ABLIM2: variants seen among roughly 807,000 people sequenced by gnomAD.
The protein encoded by ABLIM2 is actin-binding LIM protein 2.
ABLIM2 carries 53 observed loss-of-function variants against 97.7 expected under a neutral mutation model. The ratio of observed to expected loss-of-function variants is 0.54; its 90% CI spans 0.44 to 0.68. The LOEUF (loss-of-function observed/expected upper bound fraction) is 0.68, where lower values mean the gene tolerates loss of function less well. Among genes scored for constraint, ABLIM2 ranks in the 30% least tolerant of loss-of-function variants. The probability of loss-of-function intolerance (pLI) is 0.00; values close to 1 mark genes in which losing one functional copy is unlikely to be tolerated. For missense variants in ABLIM2, 835 were observed against 867.2 expected (o/e 0.96, Z 0.47); for synonymous variants, 361 against 345.8 (o/e 1.04, Z -0.49).
intron 20 of ABLIM2, among the ~76,000 whole-genome samples, chr4:7,978,337 C>T (rs1355350862): frequency 6.6e-6 from 1 of 152,160 alleles, no homozygotes; most frequent in Non-Finnish European, 1.5e-5. Context: ...TGGGTGTGTT[C>T]TTGGAAATCT....
At position 8,063,708 on chromosome 4, in the gene ABLIM2, C is replaced by T. The variant is rs76716983; in HGVS notation, c.676-2654G>A. 6.9e-3 allele frequency among the ~76,000 whole-genome samples: 1,057 copies of T among 152,372 alleles called. 12 individuals are homozygous for T. Among genetic ancestry groups the T allele is most frequent in the African/African-American group, 0.024 (998 of 41,596 alleles). ...ATCTCAGGTCTGGGGTGTGCACCCCCTGCTCACATGCTCACTGCTAAGGCT... is the reference window on the plus strand; with the variant it reads ...ATCTCAGGTCTGGGGTGTGCACCCCTTGCTCACATGCTCACTGCTAAGGCT... On this transcript the variant is annotated intron_variant, in intron 6 of 20. Coordinates refer to ENST00000447017, the MANE Select transcript of ABLIM2 (RefSeq NM_001130083.2).
intron 3 of ABLIM2, among the ~76,000 whole-genome samples, chr4:8,093,170 T>C (rs992451517): frequency 6.6e-6 from 1 of 152,184 alleles, no homozygotes; most frequent in African/African-American, 2.4e-5. Context: ...TTTTTAACAG[T>C]ATTTTGGGTC....
At chr4:8,009,156 T>C in intron 14 of ABLIM2, 54 bp from the exon 15 acceptor site, 3 of 1,602,462 alleles carry the variant, frequency 1.9e-6, no homozygotes, top group Non-Finnish European at 2.6e-6. Flanking sequence ...TGTGGGTTTC[T>C]GCCTCATGGT....
intron 4 of ABLIM2, among the ~76,000 whole-genome samples, chr4:8,084,428 G>A (rs769641023): frequency 4.6e-5 from 7 of 152,190 alleles, no homozygotes; most frequent in Non-Finnish European, 8.8e-5. Flanking sequence ...AGCCAGCAAG[G>A]GGGCGGGGGC....
At chr4:8,010,530 T>C in intron 14 of ABLIM2, 1 of 985,822 alleles carries the variant, frequency 1.0e-6, no homozygotes, top group Non-Finnish European at 1.2e-6. Context: ...GCTTGGAAAT[T>C]TGGGATTGGG....
At position 8,095,334 on chromosome 4, in the gene ABLIM2, C is replaced by G. The variant is rs1479303612; in HGVS notation, c.338+1765G>C. ...ACGCAGGCTGATCTTGAACTCCCAG[C>G]CTCAAGTGATCCTCGCACCTCGGCC... On this transcript the variant is annotated intron_variant, in intron 3 of 20. Coordinates refer to ENST00000447017, the MANE Select transcript of ABLIM2 (RefSeq NM_001130083.2). This position sits in a 1 kb window ranked among gnomAD's most constrained non-coding sequence, Gnocchi z 4.7. Among the ~76,000 whole-genome samples, 2 of 152,118 alleles carry G rather than the reference C, an allele frequency of 1.3e-5. No individual in the cohort carries two copies. Among genetic ancestry groups the G allele is most frequent in the Non-Finnish European group, 2.9e-5 (2 of 68,028 alleles).
chr4:7,978,254 T>C (rs1179354989), intron 20 of ABLIM2, among the ~76,000 whole-genome samples: 4 of 152,180 alleles, frequency 2.6e-5, no homozygotes, highest in African/African-American at 9.7e-5. Flanking sequence ...GCATTCCCCA[T>C]ATGTAGTAAC....
At chr4:8,109,545 C>T (rs1207886401) in intron 1 of ABLIM2, among the ~76,000 whole-genome samples, 2 of 152,204 alleles carry the variant, frequency 1.3e-5, no homozygotes, top group South Asian at 4.1e-4. Context: ...CAGAACCCCA[C>T]ATCCCGGAAG....
intron 6 of ABLIM2, among the ~76,000 whole-genome samples, chr4:8,063,298 C>T (rs1350759043): frequency 6.6e-6 from 1 of 152,202 alleles, no homozygotes; most frequent in Admixed American, 6.5e-5. Flanking sequence ...ATCTCTTGAC[C>T]TTGTGATCTG....
At position 8,088,206 on chromosome 4, in the gene ABLIM2, C is replaced by T. The variant is rs753668322; in HGVS notation, c.417G>A (p.Ser139=). ...CMCQKCSLPV[S]VGSSAHLSQG... ...GGGACAGGTGCGCGCTGCTGCCCAC[C>T]GATACGGGCAGGGAACACTTCTGGC... is the stretch of plus-strand genomic sequence containing the variant. Residue 139 remains serine, a synonymous_variant, in exon 4 of 21, where the codon TCG becomes TCA. Coordinates refer to ENST00000447017, the MANE Select transcript of ABLIM2 (RefSeq NM_001130083.2). 45 of 1,612,654 alleles carry T rather than the reference C, an allele frequency of 2.8e-5. 1 individual carries two copies. Among genetic ancestry groups the T allele is most frequent in the East Asian group, 8.9e-5 (4 of 44,790 alleles).
chr4:8,037,986 C>T (rs1785656173), intron 9 of ABLIM2, among the ~76,000 whole-genome samples: 1 of 152,232 alleles, frequency 6.6e-6, no homozygotes, highest in Admixed American at 6.5e-5. Flanking sequence ...CTGCCTGTCC[C>T]CTTCTCCCTG....
rs544002990 is a variant in ABLIM2 at position 7,971,960 on chromosome 4, G to A, written c.1825-4857C>T. Among the ~76,000 whole-genome samples, 177 of 152,258 alleles carry A rather than the reference G, an allele frequency of 1.2e-3. 2 individuals carry two copies. The highest frequency in any genetic ancestry group is 6.8e-3 in the Middle Eastern group (2 of 294). On this transcript the variant is annotated intron_variant, in intron 20 of 20. Transcript: ENST00000447017. ...ACTTTTCTCCCAAGGCCTGGGCTCC[G>A]TGGTGCATTCCACCGGCTCACACTG... is the stretch of plus-strand genomic sequence containing the variant.
intron 9 of ABLIM2, among the ~76,000 whole-genome samples, chr4:8,042,823 G>C (rs1306960993): frequency 8.2e-6 from 1 of 121,518 alleles, no homozygotes; most frequent in African/African-American, 3.3e-5. Flanking sequence ...TGGGCAACAA[G>C]AGCGAAACTC....
chr4:8,069,981 T>C lies in ABLIM2; in HGVS notation c.675+7647A>G, dbSNP rs1049581722. On this transcript the variant is annotated intron_variant, in intron 6 of 20. Coordinates refer to ENST00000447017, the MANE Select transcript of ABLIM2 (RefSeq NM_001130083.2). The surrounding 1 kb of genome is among the most constrained non-coding windows in gnomAD (Gnocchi z 4.2). Reference sequence around the variant, plus strand: ...TGCCTAAGCGTGCTGTCTGCACGTCTTGTATGTGTATGTGATCTGTGTGTC... The same window carrying C: ...TGCCTAAGCGTGCTGTCTGCACGTCCTGTATGTGTATGTGATCTGTGTGTC... 1.3e-5 allele frequency among the ~76,000 whole-genome samples: 2 copies of C among 152,168 alleles called. No individual in the cohort carries two copies. The highest frequency in any genetic ancestry group is 2.9e-5 in the Non-Finnish European group (2 of 68,030).
intron 14 of ABLIM2, chr4:8,010,669 G>GC: frequency 2.4e-6 from 2 of 850,718 alleles, no homozygotes; most frequent in Non-Finnish European, 2.8e-6. Flanking sequence ...GATTTTCAGC[G>GC]TGAAAATACA....
chr4:8,003,387 T>C lies in ABLIM2; in HGVS notation c.1618+4672A>G, dbSNP rs549033366. Among the ~76,000 whole-genome samples, 2 of 152,154 alleles carry C rather than the reference T, an allele frequency of 1.3e-5. No individual in the cohort carries two copies. The highest frequency in any genetic ancestry group is 6.5e-5 in the Admixed American group (1 of 15,280). Reference sequence around the variant, plus strand: ...CTGAGAGTGAGAAACAGAATGGGTGTGTGGATACTGGAGGGTGTGTGGGTA... The same window carrying C: ...CTGAGAGTGAGAAACAGAATGGGTGCGTGGATACTGGAGGGTGTGTGGGTA... On this transcript the variant is annotated intron_variant, in intron 16 of 20. Transcript: ENST00000447017. This position sits in a 1 kb window ranked among gnomAD's most constrained non-coding sequence, Gnocchi z 4.2.
At chr4:7,982,005 C>T (rs772366666) in intron 20 of ABLIM2, among the ~76,000 whole-genome samples, 9 of 152,170 alleles carry the variant, frequency 5.9e-5, no homozygotes, top group Non-Finnish European at 8.8e-5. Context: ...GAGGAGCAGC[C>T]TGGTGCCTTC....
chr4:8,007,752 C>T (rs949093318), intron 16 of ABLIM2: 18 of 1,131,326 alleles, frequency 1.6e-5, no homozygotes, highest in South Asian at 3.3e-5. Flanking sequence ...GCAGCCCGGA[C>T]GCCTTTCTCC....
rs1762692091 is a variant in ABLIM2 at position 8,008,315 on chromosome 4, T to C, written c.1477-115A>G. On this transcript the variant is annotated intron_variant, in intron 15 of 20. Coordinates refer to ENST00000447017, the MANE Select transcript of ABLIM2 (RefSeq NM_001130083.2). The stretch of plus-strand genomic sequence containing the variant: ...TCTAACATACGAGCTGACCCCACTG[T>C]GAGAAAACTCAATATGTGAGAGATG... 5 of 1,008,418 alleles carry C rather than the reference T, an allele frequency of 5.0e-6. No individual in the cohort carries two copies. In the Admixed American group the frequency reaches 1.3e-4, roughly 26 times the overall value. 62.5% of individuals were successfully genotyped at this position (1,008,418 alleles called of 1,614,324 possible). A position where few individuals can be genotyped will look rare whatever the true frequency, so the allele number is the denominator to read the frequency against.
Sources: gnomAD v4.1 joint callset for allele counts (sites outside exome capture counted in the v4.1 genomes callset) on GRCh38, gnomAD v4.1.1 for gene constraint, Gnocchi (gnomAD v3.1) non-coding constraint, MANE v1.5 for transcripts, NCBI Gene and HGNC (gene_info 2026-07-23, HGNC 2026-07-21) for gene names.